CDH8: variants seen among roughly 807,000 people sequenced by gnomAD.
CDH8 encodes cadherin-8.
CDH8 carries 17 observed loss-of-function variants against 68.1 expected under a neutral mutation model. The ratio of observed to expected loss-of-function variants is 0.25; its 90% confidence interval spans 0.17 to 0.37. CDH8 has a LOEUF of 0.37. Ranked by LOEUF, CDH8 falls within the 10% of genes least tolerant of loss-of-function variation. The pLI, the probability that CDH8 is intolerant of heterozygous loss-of-function variation, is 1.00. For missense variants in CDH8, 763 were observed against 999.3 expected, an observed-to-expected ratio of 0.76 and a Z score of 3.19; for synonymous variants, 372 against 365.1, an observed-to-expected ratio of 1.02 and a Z score of -0.21.
intron 10 of CDH8, among the ~76,000 whole-genome samples, chr16:61,697,073 G>A (rs1227706177): frequency 2.0e-5 from 3 of 152,026 alleles, no homozygotes; most frequent in Middle Eastern, 3.2e-3. Context: ...ACCTGCCCAC[G>A]AATCCTCTGA....
At chr16:61,972,049 G>A (rs950533545) in intron 2 of CDH8, among the ~76,000 whole-genome samples, 1 of 152,106 alleles carries the variant, frequency 6.6e-6, no homozygotes, top group African/African-American at 2.4e-5. Flanking sequence ...ATCCCCACGT[G>A]TCAGGGTGGG....
intron 2 of CDH8, among the ~76,000 whole-genome samples, chr16:61,911,580 AT>A (rs533457823): frequency 3.9e-4 from 59 of 151,748 alleles, no homozygotes; most frequent in Non-Finnish European, 7.5e-4. Flanking sequence ...TTTGGTACAT[AT>A]TTGATTTTCA....
intron 7 of CDH8, among the ~76,000 whole-genome samples, chr16:61,803,578 C>T (rs1486964295): frequency 7.9e-5 from 12 of 152,008 alleles, no homozygotes; most frequent in African/African-American, 2.2e-4. Flanking sequence ...GCCCATCTCA[C>T]GTGCAGAGAC....
rs933351179 is a variant in CDH8 at position 61,909,930 on chromosome 16, T to C, written c.253-8457A>G. ...GCCAGTGTTCATGGCCTTGGCAAAT[T>C]TTCTACTATCTTCGGTCTGGACCGC... On this transcript the variant is annotated intron_variant, in intron 2 of 11. Transcript: ENST00000577390. Among the ~76,000 whole-genome samples, 60 of 152,326 alleles carry C rather than the reference T, an allele frequency of 3.9e-4. 1 individual carries two copies. The highest frequency in any genetic ancestry group is 1.4e-3 in the African/African-American group (58 of 41,572).
At chr16:61,735,238 C>T (rs1596913905) in intron 8 of CDH8, among the ~76,000 whole-genome samples, 1 of 152,146 alleles carries the variant, frequency 6.6e-6, no homozygotes. Context: ...TCTGGGGTTT[C>T]GAACTGGACA....
At chr16:61,678,491 A>G (rs1963955914) in intron 10 of CDH8, among the ~76,000 whole-genome samples, 1 of 151,980 alleles carries the variant, frequency 6.6e-6, no homozygotes, top group Non-Finnish European at 1.5e-5. Context: ...TCAGATATCA[A>G]TTCCTTTGTC....
intron 4 of CDH8, among the ~76,000 whole-genome samples, chr16:61,834,894 C>T (rs115584613): frequency 1.3e-5 from 2 of 151,908 alleles, no homozygotes; most frequent in East Asian, 1.9e-4. Context: ...TGGACAAAGT[C>T]CCGCAGCCTG....
chr16:61,968,604 A>G (rs1965291344), intron 2 of CDH8, among the ~76,000 whole-genome samples: 2 of 152,236 alleles, frequency 1.3e-5, no homozygotes, highest in East Asian at 1.9e-4. Flanking sequence ...ACCATTTAAC[A>G]TTATCTGAAT....
chr16:61,876,563 T>C (rs1963465360), intron 3 of CDH8, among the ~76,000 whole-genome samples: 1 of 152,120 alleles, frequency 6.6e-6, no homozygotes, highest in Non-Finnish European at 1.5e-5. Context: ...CATGCTTTAA[T>C]CCATTATCAG....
intron 2 of CDH8, among the ~76,000 whole-genome samples, chr16:61,912,193 A>G (rs55915962): frequency 0.15 from 23,521 of 152,032 alleles, 2,020 homozygotes; most frequent in Middle Eastern, 0.25. Context: ...TCAAAATGCT[A>G]TGAACTTGGA....
At chr16:61,907,830 G>A (rs1245558293) in intron 2 of CDH8, among the ~76,000 whole-genome samples, 1 of 152,050 alleles carries the variant, frequency 6.6e-6, no homozygotes, top group Admixed American at 6.5e-5. Flanking sequence ...GGATCACGAG[G>A]TCAGGAGATC....
At chr16:61,960,297 G>T (rs146326562) in intron 2 of CDH8, among the ~76,000 whole-genome samples, 1 of 78,350 alleles carries the variant, frequency 1.3e-5, no homozygotes, top group East Asian at 3.7e-4. Flanking sequence ...ATATATACGT[G>T]TGTGTGTATA....
chr16:61,909,471 T>A (rs1964123042), intron 2 of CDH8, among the ~76,000 whole-genome samples: 1 of 152,202 alleles, frequency 6.6e-6, no homozygotes, highest in African/African-American at 2.4e-5. Context: ...CCATAAGACA[T>A]ATCTCAATAC....
chr16:61,678,040 C>T (rs1246846462), intron 10 of CDH8, among the ~76,000 whole-genome samples: 1 of 151,986 alleles, frequency 6.6e-6, no homozygotes, highest in East Asian at 1.9e-4. Context: ...ATGGTAATCC[C>T]GACGTTCCTT....
At chr16:61,815,810 T>G (rs1239897417) in intron 7 of CDH8, among the ~76,000 whole-genome samples, 3 of 152,080 alleles carry the variant, frequency 2.0e-5, no homozygotes, top group Admixed American at 2.0e-4. Flanking sequence ...CTACTCCTTT[T>G]TGAGTTCCTT....
At chr16:61,687,626 C>G (rs1174586747) in intron 10 of CDH8, among the ~76,000 whole-genome samples, 1 of 151,978 alleles carries the variant, frequency 6.6e-6, no homozygotes, top group Non-Finnish European at 1.5e-5. Flanking sequence ...AAGTAATTAT[C>G]CTAATCTGCT....
intron 7 of CDH8, among the ~76,000 whole-genome samples, chr16:61,792,569 T>G (rs1019623349): frequency 2.0e-5 from 3 of 152,000 alleles, no homozygotes; most frequent in African/African-American, 7.2e-5. Flanking sequence ...CACCCTTCTT[T>G]TCTTGGTTTC....
At position 61,951,879 on chromosome 16, in the gene CDH8, TTAA is replaced by T. The variant is rs375371569; in HGVS notation, c.253-50409_253-50407del. On this transcript the variant is annotated intron_variant, in intron 2 of 11. Transcript: ENST00000577390. The stretch of plus-strand genomic sequence containing the variant: ...CACCAAGAGGAAATACATTTAAAAT[TTAA>T]TAATGAAATCAATGGGAAACGGGAT... Among the ~76,000 whole-genome samples the T allele has an allele frequency of 2.0e-5, 3 of 152,274 alleles. No homozygotes were observed. The East Asian group carries it at 5.8e-4, about 29-fold the overall frequency.
At chr16:61,688,885 C>T (rs1964161028) in intron 10 of CDH8, among the ~76,000 whole-genome samples, 1 of 151,970 alleles carries the variant, frequency 6.6e-6, no homozygotes, top group Non-Finnish European at 1.5e-5. Context: ...TATGCCTAAA[C>T]ATTTTTCAAC....
Sources: allele counts gnomAD v4.1 joint callset (sites outside exome capture counted in the v4.1 genomes callset), GRCh38; gene constraint gnomAD v4.1.1; transcripts MANE v1.5; gene names NCBI Gene and HGNC (gene_info 2026-07-23, HGNC 2026-07-21).